Variants in RAB3GAP2 observed in about 807,000 individuals in gnomAD.
RAB3GAP2 encodes rab3 GTPase-activating protein non-catalytic subunit.
RAB3GAP2 carries 87 observed loss-of-function variants against 185.3 expected under a neutral mutation model. The ratio of observed to expected loss-of-function variants is 0.47; its 90% CI spans 0.39 to 0.56. RAB3GAP2 has a LOEUF of 0.56. RAB3GAP2 is among the 20% of genes least tolerant of loss of function. RAB3GAP2 has a pLI of 0.00. For missense variants in RAB3GAP2, 1,492 were observed against 1,638.2 expected (o/e 0.91, Z 1.54); for synonymous variants, 554 against 576.1 (o/e 0.96, Z 0.55).
intron 1 of RAB3GAP2, chr1:220,253,434 TAAAAG>T: frequency 1.4e-6 from 2 of 1,394,550 alleles, no homozygotes; most frequent in Non-Finnish European, 1.9e-6. Context: ...GCCAGACTGT[TAAAAG>T]AAAACCAGAA....
At position 220,151,322 on chromosome 1, in the gene RAB3GAP2, T is replaced by C. The variant is rs745583092; in HGVS notation, c.4111A>G (p.Lys1371Glu). 2 of 1,614,146 alleles carry C rather than the reference T, an allele frequency of 1.2e-6. No individual in the cohort carries two copies. The highest frequency in any genetic ancestry group is 1.7e-6 in the Non-Finnish European group (2 of 1,180,004). Residue 1371 changes from lysine to glutamate, a missense_variant, in exon 35 of 35, where the codon AAA becomes GAA. Coordinates refer to ENST00000358951, the MANE Select transcript of RAB3GAP2 (RefSeq NM_012414.4). ...AAGGCTAGACCATATTGCCCATGTT[T>C]TTCTGGTAAAAGCTCAATTACTTTA... ...VNKVIELLPEKHGQYGLALHL... is the reference protein window; with the variant it reads ...VNKVIELLPEEHGQYGLALHL...
chr1:220,196,120 T>C, intron 10 of RAB3GAP2, 130 bp downstream of exon 10: 1 of 1,013,214 alleles, frequency 9.9e-7, no homozygotes, highest in Non-Finnish European at 1.5e-6. Flanking sequence ...AGATTAATTT[T>C]AGTTTCAATT....
At chr1:220,254,117 A>G (rs1185359831) in intron 1 of RAB3GAP2, 3 of 1,613,954 alleles carry the variant, frequency 1.9e-6, no homozygotes, top group Non-Finnish European at 2.5e-6. Context: ...CAGCTCTTTT[A>G]TCTTCCTGCC....
chr1:220,213,705 G>A, intron 3 of RAB3GAP2, 151 bp downstream of exon 3: 1 of 713,336 alleles, frequency 1.4e-6, no homozygotes, highest in East Asian at 3.2e-5. Context: ...AATGGAGAGG[G>A]AGGGAGGGAG....
At chr1:220,270,852 A>C (rs1447593969) in intron 1 of RAB3GAP2, among the ~76,000 whole-genome samples, 1 of 152,072 alleles carries the variant, frequency 6.6e-6, no homozygotes, top group Non-Finnish European at 1.5e-5. Context: ...AAACGCCACA[A>C]TTTTCACAAG....
chr1:220,161,767 C>T (rs1433986350), intron 28 of RAB3GAP2, among the ~76,000 whole-genome samples: 1 of 152,018 alleles, frequency 6.6e-6, no homozygotes, highest in Non-Finnish European at 1.5e-5. Context: ...GATTACACAA[C>T]AACTTTAAAA....
chr1:220,228,334 G>C (rs1376881722), intron 2 of RAB3GAP2, among the ~76,000 whole-genome samples: 1 of 152,148 alleles, frequency 6.6e-6, no homozygotes, highest in Non-Finnish European at 1.5e-5. Flanking sequence ...TATAGTTCTG[G>C]AGTTGTTCAT....
In RAB3GAP2 at chr1:220,182,350, A is replaced by G; in HGVS notation, c.2217T>C (p.Ser739=). Residue 739 remains serine, a synonymous_variant, in exon 21 of 35, where the codon AGT becomes AGC. Transcript: ENST00000358951. The stretch of plus-strand genomic sequence containing the variant: ...CATGCAAACACTTCCAAAAAAAGAA[A>G]CTACCTGGTAGAAGAAAAACAAAGC... ...ISEEEYVALG[S]FFFWKCLHGE... is the part of the protein sequence containing the mutation. The G allele has an allele frequency of 6.2e-7, 1 of 1,614,040 alleles. No homozygotes were observed. Among genetic ancestry groups the G allele is most frequent in the Non-Finnish European group, 8.5e-7 (1 of 1,179,944 alleles).
At chr1:220,223,014 A>G (rs1301979898) in intron 2 of RAB3GAP2, among the ~76,000 whole-genome samples, 6 of 152,172 alleles carry the variant, frequency 3.9e-5, no homozygotes, top group African/African-American at 1.4e-4. Context: ...ATACTTCTCT[A>G]TTGCCTGAAC....
chr1:220,180,807 A>G (rs1658389659), intron 21 of RAB3GAP2, among the ~76,000 whole-genome samples: 1 of 152,192 alleles, frequency 6.6e-6, no homozygotes, highest in South Asian at 2.1e-4. Context: ...CAACAAGCTC[A>G]CAGAGGTAGG....
intron 21 of RAB3GAP2, among the ~76,000 whole-genome samples, chr1:220,174,431 T>C (rs1386034543): frequency 1.3e-5 from 2 of 152,192 alleles, no homozygotes; most frequent in East Asian, 3.9e-4. Flanking sequence ...TATATTTGTA[T>C]GTGGTACTTG....
At chr1:220,255,310 C>T (rs968350334) in intron 1 of RAB3GAP2, among the ~76,000 whole-genome samples, 2 of 151,994 alleles carry the variant, frequency 1.3e-5, no homozygotes, top group Admixed American at 1.3e-4. Flanking sequence ...AGATAGATAG[C>T]CCCCAAAGAT....
chr1:220,247,153 T>C (rs540812440), intron 1 of RAB3GAP2, among the ~76,000 whole-genome samples: 96 of 152,302 alleles, frequency 6.3e-4, no homozygotes, highest in African/African-American at 2.3e-3. Context: ...CTTACACTGC[T>C]GGTGGGAATG....
At chr1:220,250,364 C>T (rs1571928824) in intron 1 of RAB3GAP2, among the ~76,000 whole-genome samples, 1 of 152,150 alleles carries the variant, frequency 6.6e-6, no homozygotes, top group East Asian at 1.9e-4. Context: ...GTCAATTTCT[C>T]CCATTTGGAA....
Position 220,167,352 on chromosome 1 carries a change from C to T in RAB3GAP2, c.3028G>A (p.Asp1010Asn), listed in dbSNP as rs763047721. ...YEQFPCSLEL[D>N]VLHAHCCWEY... ...CAGCAGCAATGTGCATGCAAGACAT[C>T]GAGCTCAAGGCTACAAGGAAACTGC... Residue 1010 changes from aspartate to asparagine, a missense_variant, in exon 26 of 35, where the codon GAT (aspartate) becomes AAT (asparagine). Physicochemically the swap from Asp to Asn is conservative, Grantham distance 23. Coordinates refer to ENST00000358951, the MANE Select transcript of RAB3GAP2 (RefSeq NM_012414.4). 111 of 1,614,024 alleles carry T rather than the reference C, an allele frequency of 6.9e-5. No homozygotes were observed. The South Asian group carries it at 1.0e-3, about 15-fold the overall frequency.
rs1657873984 is a variant in RAB3GAP2 at position 220,157,274 on chromosome 1, C to A, written c.3551G>T (p.Ser1184Ile). 1 of 1,612,776 alleles carries A rather than the reference C, an allele frequency of 6.2e-7. No homozygotes were observed. The highest frequency in any genetic ancestry group is 1.7e-5 in the Admixed American group (1 of 59,964). ...KTVKPLSLFD[S>I]KGKNAFFKDL... Reference sequence around the variant, plus strand: ...GAAATCCTGTGAGGTACTTACCTTACTGTCAAAAAGTGAAAGTGGCTTCAC... The same window carrying A: ...GAAATCCTGTGAGGTACTTACCTTAATGTCAAAAAGTGAAAGTGGCTTCAC... The change falls in exon 31 of 35, where the codon AGT becomes ATT. Residue 1184 changes from serine (S) to isoleucine (I), a missense_variant. By Grantham distance (142) the Ser-to-Ile change is moderately radical. Coordinates refer to ENST00000358951, the MANE Select transcript of RAB3GAP2 (RefSeq NM_012414.4).
At chr1:220,231,042 C>T (rs1659491826) in intron 2 of RAB3GAP2, among the ~76,000 whole-genome samples, 1 of 152,222 alleles carries the variant, frequency 6.6e-6, no homozygotes, top group Non-Finnish European at 1.5e-5. Context: ...TACTTTTGCT[C>T]CCTACTTCAA....
At chr1:220,181,412 G>A (rs1658402108) in intron 21 of RAB3GAP2, among the ~76,000 whole-genome samples, 2 of 152,156 alleles carry the variant, frequency 1.3e-5, no homozygotes, top group African/African-American at 4.8e-5. Context: ...TGCATGTGTA[G>A]GGGATAGGTA....
chr1:220,168,422 A>C (rs1167457723), intron 24 of RAB3GAP2, among the ~76,000 whole-genome samples: 2 of 144,224 alleles, frequency 1.4e-5, no homozygotes, highest in Non-Finnish European at 3.0e-5. Flanking sequence ...TTTGAGACAG[A>C]GTTTCGCTCT....
Sources: allele counts gnomAD v4.1 joint callset (sites outside exome capture counted in the v4.1 genomes callset), GRCh38; gene constraint gnomAD v4.1.1; transcripts MANE v1.5; gene names NCBI Gene and HGNC (gene_info 2026-07-23, HGNC 2026-07-21).